Variants in GABRA3 observed in about 807,000 individuals in gnomAD.
GABRA3 encodes the protein gamma-aminobutyric acid type A receptor subunit alpha3.
In GABRA3, 10 loss-of-function variants were observed where a neutral mutation model predicts 30.1. The observed-to-expected ratio is 0.33, with a 90% CI of 0.20 to 0.56. The LOEUF (loss-of-function observed/expected upper bound fraction) is 0.56. Ranked by LOEUF, GABRA3 falls within the 20% of genes least tolerant of loss-of-function variation. The pLI, the probability that GABRA3 is intolerant of heterozygous loss-of-function variation, is 0.89. For synonymous variants in GABRA3, 151 were observed against 146.8 expected, an observed-to-expected ratio of 1.03 and a Z score of -0.21; for missense variants, 233 against 392.0, an observed-to-expected ratio of 0.59 and a Z score of 3.42.
intron 3 of GABRA3, among the ~76,000 whole-genome samples, chrX:152,318,729 T>C (rs1939915761): frequency 8.9e-6 from 1 of 111,891 alleles, no homozygotes; most frequent in Non-Finnish European, 1.9e-5. Flanking sequence ...AAAAATCACA[T>C]GATCATCTCA....
chrX:152,357,592 G>A (rs1337521590), intron 2 of GABRA3, among the ~76,000 whole-genome samples: 1 of 111,477 alleles, frequency 9.0e-6, no homozygotes, highest in African/African-American at 3.3e-5. Flanking sequence ...TCCCTTGATA[G>A]TTTCTTTTGC....
intron 9 of GABRA3, among the ~76,000 whole-genome samples, chrX:152,177,398 C>T (rs1188301632): frequency 1.8e-5 from 2 of 110,739 alleles, no homozygotes; most frequent in Admixed American, 9.6e-5. Context: ...GATAAATAAC[C>T]ATAGAGAAAA....
chrX:152,246,995 A>C lies in GABRA3; in HGVS notation c.551+8783T>G, dbSNP rs149460411. On this transcript the variant is annotated intron_variant, in intron 5 of 9. Coordinates refer to ENST00000370314, the MANE Select transcript of GABRA3 (RefSeq NM_000808.4). ...GAGGCAGAGTCTATAATGAAAACAC[A>C]AGTGCAAGCCATTTGCATCTAAATA... Among the ~76,000 whole-genome samples, 672 of 112,095 alleles carry C rather than the reference A, an allele frequency of 6.0e-3. 5 individuals are homozygous for C. Among genetic ancestry groups the C allele is most frequent in the African/African-American group, 0.021 (644 of 30,933 alleles).
chrX:152,306,722 G>A (rs1189780647), intron 3 of GABRA3, among the ~76,000 whole-genome samples: 3 of 112,059 alleles, frequency 2.7e-5, no homozygotes, highest in East Asian at 2.8e-4. Context: ...AAACAAAACC[G>A]TACCTTCTAA....
At chrX:152,178,205 T>A (rs918381960) in intron 9 of GABRA3, among the ~76,000 whole-genome samples, 10 of 111,348 alleles carry the variant, frequency 9.0e-5, no homozygotes, top group Non-Finnish European at 1.1e-4. Context: ...TAGTTTAGTT[T>A]TGCAAACCAC....
At chrX:152,204,658 A>G (rs1285988255) in intron 7 of GABRA3, among the ~76,000 whole-genome samples, 1 of 112,406 alleles carries the variant, frequency 8.9e-6, no homozygotes, top group East Asian at 2.8e-4. Context: ...ATGCTCAAAA[A>G]TTGATCATTA....
intron 9 of GABRA3, among the ~76,000 whole-genome samples, chrX:152,176,099 A>C (rs1937072370): frequency 9.3e-6 from 1 of 107,731 alleles, no homozygotes; most frequent in Admixed American, 1.0e-4. Context: ...TAAATAAATA[A>C]ATAAATAAAT....
chrX:152,411,551 C>G (rs1930071163), intron 1 of GABRA3, among the ~76,000 whole-genome samples: 1 of 111,502 alleles, frequency 9.0e-6, no homozygotes, highest in Admixed American at 9.5e-5. Context: ...ATCTGTTTCA[C>G]TTATCATATG....
At position 152,169,070 on chromosome X, in the gene GABRA3, A is replaced by C. The variant is rs185502699; in HGVS notation, c.1144-507T>G. ...GAGCCTAACTTGCAATCTGGGTAAG[A>C]GATTTTTATCTAGGGCTACACTGTG... On this transcript the variant is annotated intron_variant, in intron 9 of 9. Transcript: ENST00000370314. 1.2e-4 allele frequency among the ~76,000 whole-genome samples: 13 copies of C among 112,212 alleles called. No individual in the cohort carries two copies. In the East Asian group the frequency reaches 3.6e-3, roughly 31 times the overall value.
intron 1 of GABRA3, among the ~76,000 whole-genome samples, chrX:152,438,362 G>C (rs1930829558): frequency 8.9e-6 from 1 of 112,383 alleles, no homozygotes; most frequent in South Asian, 3.6e-4. Flanking sequence ...GCTGATGGCA[G>C]TGCAAAATGA....
At chrX:152,226,242 T>C (rs1015190535) in intron 5 of GABRA3, among the ~76,000 whole-genome samples, 1 of 111,685 alleles carries the variant, frequency 9.0e-6, no homozygotes, top group Non-Finnish European at 1.9e-5. Flanking sequence ...CTTTGGTTAA[T>C]GAGAGTGAGA....
Position 152,315,970 on chromosome X carries a change from GAC to G in GABRA3, c.262+29609_262+29610del, listed in dbSNP as rs1491281993. Among the ~76,000 whole-genome samples the G allele has an allele frequency of 1.7e-3, 34 of 19,755 alleles. 1 individual carries two copies. The highest frequency in any genetic ancestry group is 6.3e-3 in the African/African-American group (17 of 2,681). 17.2% of individuals were successfully genotyped at this position (19,755 alleles called of 115,157 possible). A position where few individuals can be genotyped will look rare whatever the true frequency, so the allele number is the denominator to read the frequency against. ...CTTGGGAGTTTTAGGCCCGCCCCCC[GAC>G]CCCCCCCCCCCCCACCACATGATCC... On this transcript the variant is annotated intron_variant, in intron 3 of 9. Transcript: ENST00000370314.
chrX:152,347,194 G>C (rs1472609678), intron 2 of GABRA3, among the ~76,000 whole-genome samples: 1 of 111,544 alleles, frequency 9.0e-6, no homozygotes, highest in East Asian at 2.8e-4. Flanking sequence ...TGCAAAACAT[G>C]GATGAAACTG....
chrX:152,353,025 G>A (rs181797858), intron 2 of GABRA3, among the ~76,000 whole-genome samples: 4 of 109,228 alleles, frequency 3.7e-5, no homozygotes, highest in Non-Finnish European at 5.7e-5. Context: ...GAAACACCTA[G>A]AATTCAATAG....
At chrX:152,191,215 AATT>A (rs1419966417) in intron 8 of GABRA3, among the ~76,000 whole-genome samples, 1 of 110,910 alleles carries the variant, frequency 9.0e-6, no homozygotes, top group Non-Finnish European at 1.9e-5. Flanking sequence ...CATACTATAT[AATT>A]ATAATAGTAT....
At chrX:152,179,175 T>C (rs1304320313) in intron 9 of GABRA3, among the ~76,000 whole-genome samples, 1 of 111,992 alleles carries the variant, frequency 8.9e-6, no homozygotes, top group Non-Finnish European at 1.9e-5. Context: ...TCATTTTTAA[T>C]TGACAAATGA....
chrX:152,230,737 G>T (rs1938052263), intron 5 of GABRA3, among the ~76,000 whole-genome samples: 1 of 110,952 alleles, frequency 9.0e-6, no homozygotes, highest in South Asian at 3.7e-4. Flanking sequence ...AATGTTTCTA[G>T]GAGAATTTAA....
chrX:152,364,661 G>A, intron 1 of GABRA3, 65 bp from the exon 2 acceptor site: 4 of 828,530 alleles, frequency 4.8e-6, no homozygotes, highest in Non-Finnish European at 5.1e-6. Flanking sequence ...GGAGAGAGGA[G>A]AAAGAGGTAA....
rs1186870899 is a variant in GABRA3, at chrX:152,284,732, G to A, written c.266C>T (p.Ala89Val). The A allele has an allele frequency of 1.7e-6, 2 of 1,177,219 alleles. No homozygotes were observed. Among genetic ancestry groups the A allele is most frequent in the Non-Finnish European group, 2.3e-6 (2 of 870,757 alleles). ...GATGTCAGTCTTCACTTCAGTCACTGCATCTGCGTGAAAGAAAGTAGAAAA... is the reference window on the plus strand; with the variant it reads ...GATGTCAGTCTTCACTTCAGTCACTACATCTGCGTGAAAGAAAGTAGAAAA... ...DNRLRPGLGD[A>V]VTEVKTDIYV... is the part of the protein sequence containing the mutation. The change falls in exon 4 of 10, where the codon GCA becomes GTA. Residue 89 changes from alanine (A) to valine (V), a missense_variant. Coordinates refer to ENST00000370314, the MANE Select transcript of GABRA3 (RefSeq NM_000808.4).
Sources: allele counts gnomAD v4.1 joint callset (sites outside exome capture counted in the v4.1 genomes callset), GRCh38; gene constraint gnomAD v4.1.1; transcripts MANE v1.5; gene names NCBI Gene and HGNC (gene_info 2026-07-23, HGNC 2026-07-21).